NUGGC: variants seen among roughly 807,000 people sequenced by gnomAD.
The protein encoded by NUGGC is nuclear GTPase, germinal center associated, also known as nuclear GTPase SLIP-GC.
A neutral mutation model predicts 92.6 loss-of-function variants in NUGGC; 58 were observed. The observed-to-expected ratio is 0.63, with a 90% CI of 0.51 to 0.78. NUGGC has a LOEUF of 0.78. Among genes scored for constraint, NUGGC ranks in the 30% least tolerant of loss-of-function variants. NUGGC has a pLI of 0.00. For synonymous variants in NUGGC, 376 were observed against 366.4 expected, an observed-to-expected ratio of 1.03 and a Z score of -0.30; for missense variants, 925 against 964.6, an observed-to-expected ratio of 0.96 and a Z score of 0.54.
At chr8:28,040,994 T>C (rs1222611097) in intron 13 of NUGGC, 57 bp downstream of exon 13, 4 of 1,495,240 alleles carry the variant, frequency 2.7e-6, no homozygotes, top group Non-Finnish European at 3.6e-6. Context: ...CAAAAGAAGC[T>C]TGGGGATCGG....
Position 28,026,973 on chromosome 8 carries a change from T to G in NUGGC, c.2234A>C (p.Lys745Thr). 6.2e-7 allele frequency: 1 copy of G among 1,612,626 alleles called. No homozygotes were observed. The change falls in exon 18 of 19, where the codon AAG becomes ACG. Residue 745 changes from lysine to threonine, a missense_variant. Transcript: ENST00000413272. ...LASSQGDGLY[K>T]ELADVGSEYK... ...TTTGGCGTATTTACCTGCAAGCTCC[T>G]TGTAGAGGCCATCCCCCTGGGACGA...
chr8:28,069,377 C>T (rs572368826), intron 4 of NUGGC, among the ~76,000 whole-genome samples, 167 bp downstream of exon 4: 26 of 152,314 alleles, frequency 1.7e-4, no homozygotes, highest in African/African-American at 6.0e-4. Context: ...GATTACCTAA[C>T]AGTGACAGCT....
intron 6 of NUGGC, among the ~76,000 whole-genome samples, chr8:28,066,712 T>C (rs1810447694): frequency 6.6e-6 from 1 of 152,244 alleles, no homozygotes; most frequent in Admixed American, 6.5e-5. Flanking sequence ...AATTGAATTT[T>C]AACTTAAAAT....
At chr8:28,044,999 C>T (rs555869861) in intron 12 of NUGGC, among the ~76,000 whole-genome samples, 1 of 152,276 alleles carries the variant, frequency 6.6e-6, no homozygotes, top group South Asian at 2.1e-4. Context: ...GTAATTTTAA[C>T]TACTTTTTCA....
At chr8:28,070,161 C>T in intron 3 of NUGGC, 91 bp downstream of exon 3, 1 of 1,477,868 alleles carries the variant, frequency 6.8e-7, no homozygotes, top group Non-Finnish European at 9.0e-7. Flanking sequence ...TTTCATCCAG[C>T]TTCAGAATTT....
chr8:28,066,875 T>C (rs187103816), intron 6 of NUGGC, among the ~76,000 whole-genome samples: 282 of 152,334 alleles, frequency 1.9e-3, no homozygotes, highest in Non-Finnish European at 3.2e-3. Flanking sequence ...ACAAGTCTGC[T>C]TTTCACTTTC....
At chr8:28,052,000 A>G (rs1810018654) in intron 10 of NUGGC, among the ~76,000 whole-genome samples, 1 of 152,204 alleles carries the variant, frequency 6.6e-6, no homozygotes, top group Admixed American at 6.5e-5. Flanking sequence ...GGTCAAGTGA[A>G]CCATAACATA....
intron 11 of NUGGC, among the ~76,000 whole-genome samples, chr8:28,046,439 G>T (rs927826107): frequency 6.6e-6 from 1 of 152,112 alleles, no homozygotes; most frequent in African/African-American, 2.4e-5. Flanking sequence ...TCTAGCGCAC[G>T]CAGAGCTCTA....
intron 12 of NUGGC, among the ~76,000 whole-genome samples, chr8:28,042,502 G>T (rs1035896655): frequency 6.6e-6 from 1 of 152,106 alleles, no homozygotes; most frequent in African/African-American, 2.4e-5. Flanking sequence ...TTGTTACTTC[G>T]GAGACAAAGC....
intron 13 of NUGGC, among the ~76,000 whole-genome samples, chr8:28,038,085 C>T (rs1809602047): frequency 6.6e-6 from 1 of 152,204 alleles, no homozygotes; most frequent in South Asian, 2.1e-4. Context: ...GCTCATCCCC[C>T]AGGCCCTCTC....
Position 28,056,036 on chromosome 8 carries a change from G to A in NUGGC, c.1135C>T (p.Arg379Ter), listed in dbSNP as rs753815960. The change falls in exon 10 of 19, where the codon CGA (arginine) becomes TGA (stop). Residue 379 changes from arginine to a stop codon, truncating the protein, a stop_gained. Transcript: ENST00000413272. LOFTEE classifies it high-confidence loss of function. ...KAGNQAIQSQ[R>*]EAVLERNEMI... Reference sequence around the variant, plus strand: ...TCATTTCTTTCTAAAACAGCCTCTCGCTGACTCTGAATAGCTTGCTAGGTT... The same window carrying A: ...TCATTTCTTTCTAAAACAGCCTCTCACTGACTCTGAATAGCTTGCTAGGTT... 198 of 1,561,402 alleles carry A rather than the reference G, an allele frequency of 1.3e-4. No individual in the cohort carries two copies. The highest frequency in any genetic ancestry group is 1.6e-4 in the Non-Finnish European group (189 of 1,148,732).
At position 28,052,486 on chromosome 8, in the gene NUGGC, A is replaced by T. The variant is rs143698544; in HGVS notation, c.1206+3479T>A. 4.2e-3 allele frequency among the ~76,000 whole-genome samples: 634 copies of T among 152,304 alleles called. 7 individuals carry two copies. The highest frequency in any genetic ancestry group is 0.015 in the African/African-American group (620 of 41,570). On this transcript the variant is annotated intron_variant, in intron 10 of 18. Coordinates refer to ENST00000413272, the MANE Select transcript of NUGGC (RefSeq NM_001010906.2). ...ATCCAATGACTGGTGTCTTTAAAAA[A>T]AGGGGAAATTTGGATACAGAGACAC...
At chr8:28,048,493 C>G (rs188137308) in intron 10 of NUGGC, among the ~76,000 whole-genome samples, 2 of 152,186 alleles carry the variant, frequency 1.3e-5, no homozygotes, top group Admixed American at 1.3e-4. Context: ...GCAACACAAA[C>G]CTGGCTAAGG....
At chr8:28,031,140 G>A (rs900250973) in intron 15 of NUGGC, 103 bp downstream of exon 15, 2 of 1,343,654 alleles carry the variant, frequency 1.5e-6, no homozygotes, top group Non-Finnish European at 2.1e-6. Context: ...CCAGACCCTG[G>A]ATACTCCAGG....
intron 1 of NUGGC, 141 bp from the exon 2 acceptor site, chr8:28,074,597 A>G (rs1810674314): frequency 3.2e-6 from 2 of 626,780 alleles, no homozygotes; most frequent in Admixed American, 4.9e-5. Flanking sequence ...CACCTAGTAC[A>G]CTACTTGATG....
chr8:28,075,485 T>A (rs1413793121), intron 1 of NUGGC, among the ~76,000 whole-genome samples: 2 of 152,156 alleles, frequency 1.3e-5, no homozygotes, highest in African/African-American at 4.8e-5. Flanking sequence ...CTGCTTCATC[T>A]CCACCCATAG....
intron 17 of NUGGC, among the ~76,000 whole-genome samples, chr8:28,028,350 A>C (rs572606889): frequency 1.3e-5 from 2 of 152,306 alleles, no homozygotes; most frequent in East Asian, 3.9e-4. Flanking sequence ...CTCTTAGCCT[A>C]CTCCAAGGGG....
rs752972112 is a variant in NUGGC, at chr8:28,033,690, T to G, written c.1619A>C (p.Lys540Thr). ...GGTCTGATGAAAACCTTGGTTTCCTTTACTCCTCTAGACAATCAACAATAA... is the reference window on the plus strand; with the variant it reads ...GGTCTGATGAAAACCTTGGTTTCCTGTACTCCTCTAGACAATCAACAATAA... Reference protein sequence around the residue: ...CILRACLVRSKGNQGFHQTLK... With the variant: ...CILRACLVRSTGNQGFHQTLK... Residue 540 changes from lysine to threonine, a missense_variant, in exon 14 of 19, where the codon AAA (lysine) becomes ACA (threonine). Coordinates refer to ENST00000413272, the MANE Select transcript of NUGGC (RefSeq NM_001010906.2). 1 of 1,613,842 alleles carries G rather than the reference T, an allele frequency of 6.2e-7. No individual in the cohort carries two copies.
intron 6 of NUGGC, among the ~76,000 whole-genome samples, chr8:28,065,647 C>T (rs575076084): frequency 4.6e-5 from 7 of 152,162 alleles, no homozygotes; most frequent in Admixed American, 1.3e-4. Flanking sequence ...GACAGTAAAT[C>T]GCAACTGGGG....
Sources: allele counts gnomAD v4.1 joint callset (sites outside exome capture counted in the v4.1 genomes callset), GRCh38; gene constraint gnomAD v4.1.1; transcripts MANE v1.5; gene names NCBI Gene and HGNC (gene_info 2026-07-23, HGNC 2026-07-21).